Variants in GNB1 observed in about 807,000 individuals in gnomAD.
GNB1 encodes the protein guanine nucleotide-binding protein G(I)/G(S)/G(T) subunit beta-1.
Under a neutral mutation model 42.9 loss-of-function variants are expected in GNB1, and 2 were observed. The observed-to-expected ratio is 0.05, with a 90% CI of 0.02 to 0.15. The LOEUF is 0.15. GNB1 is among the 10% of genes least tolerant of loss of function. GNB1 has a pLI of 1.00. For missense variants in GNB1, 193 were observed against 462.2 expected, an observed-to-expected ratio of 0.42 and a Z score of 5.34; for synonymous variants, 183 against 174.7, an observed-to-expected ratio of 1.05 and a Z score of -0.38.
At chr1:1,880,357 T>C (rs1286973307) in intron 1 of GNB1, among the ~76,000 whole-genome samples, 2 of 152,118 alleles carry the variant, frequency 1.3e-5, no homozygotes, top group East Asian at 1.9e-4. Flanking sequence ...TCCCAGCGCT[T>C]TGGGAGGCCG....
intron 1 of GNB1, among the ~76,000 whole-genome samples, chr1:1,874,921 C>G (rs757966504): frequency 2.6e-5 from 4 of 152,160 alleles, no homozygotes; most frequent in African/African-American, 7.2e-5. Flanking sequence ...TTTCCACAGA[C>G]AGAGGGGATG....
At chr1:1,826,108 A>T (rs1646994678) in intron 2 of GNB1, among the ~76,000 whole-genome samples, 1 of 152,186 alleles carries the variant, frequency 6.6e-6, no homozygotes, top group African/African-American at 2.4e-5. Context: ...TCTCCCTATA[A>T]ATCCAAGAAC....
chr1:1,873,772 G>A (rs1016737467), intron 1 of GNB1, among the ~76,000 whole-genome samples: 4 of 152,016 alleles, frequency 2.6e-5, no homozygotes, highest in African/African-American at 9.7e-5. Context: ...GAGCCAAGAT[G>A]GTGCCACTGC....
In GNB1 at chr1:1,792,696, CA is replaced by C. The variant is rs374752641; in HGVS notation, c.497+548del. ...CTGGAGACAGAGAGAGACTCTATCT[CA>C]AAAAAAAAAAAAAAAAGAAAAAAAT... On this transcript the variant is annotated intron_variant, in intron 8 of 11. Coordinates refer to ENST00000378609, the MANE Select transcript of GNB1 (RefSeq NM_002074.5). Among the ~76,000 whole-genome samples, 423 of 102,754 alleles carry C rather than the reference CA, an allele frequency of 4.1e-3. 1 individual carries two copies. The highest frequency in any genetic ancestry group is 6.6e-3 in the Admixed American group (58 of 8,808). The allele number at this position is 102,754 out of a possible 152,430, so 67.4% of individuals were successfully genotyped here.
At chr1:1,815,416 G>T (rs968495544) in intron 5 of GNB1, among the ~76,000 whole-genome samples, 6 of 152,166 alleles carry the variant, frequency 3.9e-5, no homozygotes, top group Admixed American at 1.3e-4. Context: ...GCACAGAGAG[G>T]TAACTTCCCC....
intron 1 of GNB1, among the ~76,000 whole-genome samples, chr1:1,848,028 G>A (rs1051516583): frequency 4.0e-5 from 5 of 124,570 alleles, no homozygotes; most frequent in African/African-American, 1.5e-4. Flanking sequence ...TATGGCACAG[G>A]AACTAAAACT....
chr1:1,855,502 C>A (rs1293962569), intron 1 of GNB1, among the ~76,000 whole-genome samples: 2 of 151,886 alleles, frequency 1.3e-5, no homozygotes, highest in Non-Finnish European at 2.9e-5. Flanking sequence ...GAGATCAAGA[C>A]CATCCTGGCT....
At chr1:1,879,966 C>G (rs564068055) in intron 1 of GNB1, among the ~76,000 whole-genome samples, 1 of 152,224 alleles carries the variant, frequency 6.6e-6, no homozygotes, top group Non-Finnish European at 1.5e-5. Flanking sequence ...GGGCCTCACT[C>G]TGTCACCCAG....
intron 7 of GNB1, among the ~76,000 whole-genome samples, chr1:1,802,978 G>A (rs1037783460): frequency 6.6e-6 from 1 of 152,158 alleles, no homozygotes; most frequent in African/African-American, 2.4e-5. Flanking sequence ...AACAGCAGCA[G>A]CATTATCTTT....
At position 1,787,649 on chromosome 1, in the gene GNB1, C is replaced by T. The variant is rs1346329583; in HGVS notation, c.917-212G>A. 1.3e-5 allele frequency among the ~76,000 whole-genome samples: 2 copies of T among 152,166 alleles called. No individual in the cohort carries two copies. The highest frequency in any genetic ancestry group is 6.5e-5 in the Admixed American group (1 of 15,276). Reference sequence around the variant, plus strand: ...TAAAATTCAAAGACACGCACACACACGCAATCGATAAATCCAGAGCCCCTG... The same window carrying T: ...TAAAATTCAAAGACACGCACACACATGCAATCGATAAATCCAGAGCCCCTG... On this transcript the variant is annotated intron_variant, in intron 10 of 11. Transcript: ENST00000378609. The surrounding 1 kb of genome is among the most constrained non-coding windows in gnomAD (Gnocchi z 4.4).
chr1:1,829,982 C>G (rs1417191510), intron 2 of GNB1, among the ~76,000 whole-genome samples: 2 of 152,026 alleles, frequency 1.3e-5, no homozygotes, highest in Non-Finnish European at 2.9e-5. Context: ...TCAGGTGATC[C>G]GCCCACCTCG....
chr1:1,792,380 T>C, intron 8 of GNB1, among the ~76,000 whole-genome samples: 1 of 151,992 alleles, frequency 6.6e-6, no homozygotes, highest in East Asian at 1.9e-4. Flanking sequence ...GAAGAGCAGG[T>C]ACTTTGAGCC....
intron 2 of GNB1, among the ~76,000 whole-genome samples, chr1:1,837,617 C>T (rs1570693320): frequency 6.6e-6 from 1 of 150,732 alleles, no homozygotes; most frequent in Non-Finnish European, 1.5e-5. Flanking sequence ...TGGAGCACAA[C>T]GGTGCAATCT....
At chr1:1,876,632 A>G (rs776981918) in intron 1 of GNB1, among the ~76,000 whole-genome samples, 2 of 152,160 alleles carry the variant, frequency 1.3e-5, no homozygotes, top group African/African-American at 2.4e-5. Flanking sequence ...TCCCAAAGTG[A>G]TAAGTGTCAT....
chr1:1,833,790 CTTGT>C (rs1557913099), intron 2 of GNB1, among the ~76,000 whole-genome samples: 1 of 152,144 alleles, frequency 6.6e-6, no homozygotes, highest in African/African-American at 2.4e-5. Context: ...CACAACTGTT[CTTGT>C]TTGAGGTGCT....
chr1:1,789,797 A>C (rs1646458874), intron 9 of GNB1, among the ~76,000 whole-genome samples: 1 of 152,102 alleles, frequency 6.6e-6, no homozygotes, highest in Admixed American at 6.5e-5. Flanking sequence ...GTGATCTTGG[A>C]CACTGTGATT....
At chr1:1,828,039 G>T (rs369162705) in intron 2 of GNB1, among the ~76,000 whole-genome samples, 1 of 152,058 alleles carries the variant, frequency 6.6e-6, no homozygotes, top group Non-Finnish European at 1.5e-5. Flanking sequence ...ATGATGTTCC[G>T]GCTGGGGGCG....
chr1:1,789,678 AG>A (rs1646455801), intron 9 of GNB1, among the ~76,000 whole-genome samples: 1 of 145,952 alleles, frequency 6.9e-6, no homozygotes, highest in Non-Finnish European at 1.5e-5. Context: ...CTGGGCAACA[AG>A]AGCAAAACTC....
intron 1 of GNB1, among the ~76,000 whole-genome samples, chr1:1,864,049 G>A (rs1648777987): frequency 6.6e-6 from 1 of 151,960 alleles, no homozygotes. Flanking sequence ...TTTGCCAGGA[G>A]TGGTGGCTCA....
Sources: gnomAD v4.1 joint callset for allele counts (sites outside exome capture counted in the v4.1 genomes callset) on GRCh38, gnomAD v4.1.1 for gene constraint, Gnocchi (gnomAD v3.1) non-coding constraint, MANE v1.5 for transcripts, NCBI Gene and HGNC (gene_info 2026-07-23, HGNC 2026-07-21) for gene names.